WDR75: variants seen among roughly 807,000 people sequenced by gnomAD.
WDR75 encodes WD repeat-containing protein 75.
A neutral mutation model predicts 106.1 loss-of-function variants in WDR75; 52 were observed. That is an observed-to-expected ratio of 0.49 (90% confidence interval 0.39 to 0.62). The LOEUF (loss-of-function observed/expected upper bound fraction) is 0.62, where lower values mean the gene tolerates loss of function less well. Among genes scored for constraint, WDR75 ranks in the 20% least tolerant of loss-of-function variants. The pLI, the probability that WDR75 is intolerant of heterozygous loss-of-function variation, is 0.00. For synonymous variants in WDR75, 333 were observed against 335.5 expected, an observed-to-expected ratio of 0.99 and a Z score of 0.08; for missense variants, 905 against 970.3, an observed-to-expected ratio of 0.93 and a Z score of 0.89.
In WDR75 at chr2:189,463,775, T is replaced by C. The variant is rs200551917; in HGVS notation, c.997+22T>C. 5.6e-6 allele frequency: 9 copies of C among 1,613,746 alleles called. 1 individual carries two copies. Among genetic ancestry groups the C allele is most frequent in the Admixed American group, 1.7e-5 (1 of 60,006 alleles). On this transcript the variant is annotated intron_variant, in intron 10 of 20. Coordinates refer to ENST00000314761, the MANE Select transcript of WDR75 (RefSeq NM_032168.3). Reference sequence around the variant, plus strand: ...AAAGGTATTGCAGAACTCAGTGGATTTGGAATCATGAACATTTTAAAGAGT... The same window carrying C: ...AAAGGTATTGCAGAACTCAGTGGATCTGGAATCATGAACATTTTAAAGAGT...
intron 3 of WDR75, 68 bp from the exon 4 acceptor site, chr2:189,451,737 C>A: frequency 7.1e-7 from 1 of 1,403,572 alleles, no homozygotes; most frequent in Non-Finnish European, 1.0e-6. Flanking sequence ...AAAACCCCTG[C>A]CTTGATGGAT....
intron 18 of WDR75, among the ~76,000 whole-genome samples, chr2:189,472,946 C>T (rs1250063389): frequency 3.9e-5 from 6 of 152,034 alleles, no homozygotes; most frequent in Non-Finnish European, 5.9e-5. Flanking sequence ...AGGCCGGGCA[C>T]GGTGGTTCTT....
rs1347227439 is a variant in WDR75 at position 189,472,643 on chromosome 2, G to C, written c.2050-1543G>C. Among the ~76,000 whole-genome samples, 5 of 151,656 alleles carry C rather than the reference G, an allele frequency of 3.3e-5. No individual in the cohort carries two copies. The East Asian group carries it at 9.6e-4, about 29-fold the overall frequency. Reference sequence around the variant, plus strand: ...TTTTCATCAGAGTCTGATGATTCTTGGCTGTCTTTGGATTTAAAAGTGGGT... The same window carrying C: ...TTTTCATCAGAGTCTGATGATTCTTCGCTGTCTTTGGATTTAAAAGTGGGT... On this transcript the variant is annotated intron_variant, in intron 18 of 20. Coordinates refer to ENST00000314761, the MANE Select transcript of WDR75 (RefSeq NM_032168.3).
At chr2:189,474,829 G>A (rs1489146947) in intron 20 of WDR75, 21 bp downstream of exon 20, 2 of 1,580,520 alleles carry the variant, frequency 1.3e-6, no homozygotes, top group Admixed American at 1.7e-5. Context: ...TCTTAAGACA[G>A]GTTTGGACAC....
Position 189,449,146 on chromosome 2 carries a change from A to G in WDR75, c.216+638A>G, listed in dbSNP as rs1045936979. On this transcript the variant is annotated intron_variant, in intron 2 of 20. Coordinates refer to ENST00000314761, the MANE Select transcript of WDR75 (RefSeq NM_032168.3). ...TTAAGAATAATGAAATGGTCATGTTAATTCTGTTCTTAAGTTTCGGCAAAT... is the reference window on the plus strand; with the variant it reads ...TTAAGAATAATGAAATGGTCATGTTGATTCTGTTCTTAAGTTTCGGCAAAT... The G allele has an allele frequency of 7.6e-6, 6 of 791,736 alleles. No homozygotes were observed. The African/African-American group carries it at 1.1e-4, about 14-fold the overall frequency. 49.0% of individuals were successfully genotyped at this position (791,736 alleles called of 1,614,324 possible).
rs367838883 is a variant in WDR75, at chr2:189,467,662, C to T, written c.1628+14C>T. 74 of 1,583,460 alleles carry T rather than the reference C, an allele frequency of 4.7e-5. No individual in the cohort carries two copies. In the African/African-American group the frequency reaches 7.6e-4, roughly 16 times the overall value. On this transcript the variant is annotated intron_variant, in intron 14 of 20. Transcript: ENST00000314761. ...TGGGAAAATAAGGTAGGTAAATCTT[C>T]GGGAAGTATGTAGTACTATTTTTTA... is the stretch of plus-strand genomic sequence containing the variant.
chr2:189,446,816 A>T (rs1161551945), intron 1 of WDR75, among the ~76,000 whole-genome samples: 2 of 152,232 alleles, frequency 1.3e-5, no homozygotes, highest in Non-Finnish European at 2.9e-5. Flanking sequence ...AACATCAATA[A>T]CTAATAAAAT....
chr2:189,445,278 T>C (rs1432424842), intron 1 of WDR75, among the ~76,000 whole-genome samples: 2 of 152,216 alleles, frequency 1.3e-5, no homozygotes, highest in Admixed American at 1.3e-4. Flanking sequence ...TGTGTTTGAC[T>C]TATTATTGTT....
rs573917585 is a variant in WDR75 at position 189,456,967 on chromosome 2, C to G, written c.499-344C>G. Among the ~76,000 whole-genome samples the G allele has an allele frequency of 3.5e-4, 53 of 152,162 alleles. 2 individuals are homozygous for G. The South Asian group carries it at 0.01, about 29-fold the overall frequency. On this transcript the variant is annotated intron_variant, in intron 5 of 20. Coordinates refer to ENST00000314761, the MANE Select transcript of WDR75 (RefSeq NM_032168.3). ...TCTTTTTAAACAGTGTTGGGCCGGGCGCAGTGGCTCACTCCTGTAATCCCA... is the reference window on the plus strand; with the variant it reads ...TCTTTTTAAACAGTGTTGGGCCGGGGGCAGTGGCTCACTCCTGTAATCCCA...
chr2:189,448,940 T>C (rs548159820), intron 2 of WDR75: 145 of 461,964 alleles, frequency 3.1e-4, no homozygotes, highest in African/African-American at 2.5e-3. Context: ...TTGGTAGATA[T>C]GTTCCTTTAG....
chr2:189,464,337 A>G (rs1686958515), intron 11 of WDR75: 2 of 183,348 alleles, frequency 1.1e-5, no homozygotes, highest in African/African-American at 4.8e-5. Context: ...ATTGAAGATA[A>G]AATTTTCAGT....
At chr2:189,445,078 A>G (rs1030654099) in intron 1 of WDR75, among the ~76,000 whole-genome samples, 2 of 152,136 alleles carry the variant, frequency 1.3e-5, no homozygotes, top group East Asian at 1.9e-4. Flanking sequence ...TATTATCCCT[A>G]TTGAGTGAGT....
At chr2:189,451,078 C>A in intron 3 of WDR75, 110 bp downstream of exon 3, 2 of 1,306,918 alleles carry the variant, frequency 1.5e-6, no homozygotes, top group Non-Finnish European at 2.0e-6. Context: ...ACTTCCTAAA[C>A]AAGTTACAAA....
At chr2:189,471,017 G>C in intron 18 of WDR75, 139 bp downstream of exon 18, 1 of 437,326 alleles carries the variant, frequency 2.3e-6, no homozygotes, top group East Asian at 3.8e-5. Flanking sequence ...ACTGATATGT[G>C]TCTCTTGAAA....
chr2:189,448,882 T>C (rs369396361), intron 2 of WDR75: 2 of 472,582 alleles, frequency 4.2e-6, no homozygotes. Context: ...TGTGAACCAT[T>C]TGGTGTCTGG....
chr2:189,459,549 G>A (rs77151836), intron 8 of WDR75, 125 bp downstream of exon 8: 37,676 of 886,164 alleles, frequency 0.043, 1,142 homozygotes, highest in African/African-American at 0.14. Context: ...ACACTTGTGT[G>A]TTACCCCTGT....
chr2:189,470,231 C>G lies in WDR75; in HGVS notation c.1975C>G (p.Leu659Val). 6.2e-7 allele frequency: 1 copy of G among 1,610,006 alleles called. No homozygotes were observed. Among genetic ancestry groups the G allele is most frequent in the Non-Finnish European group, 8.5e-7 (1 of 1,178,234 alleles). Residue 659 changes from leucine (L) to valine (V), a missense_variant, in exon 17 of 21, where the codon CTA becomes GTA. Coordinates refer to ENST00000314761, the MANE Select transcript of WDR75 (RefSeq NM_032168.3). ...QWLNRSQFYF[L>V]TKSQSLLTFS... ...GCTAAATAGATCCCAGTTTTACTTC[C>G]TAACAAAATCACAGGTAACTGCCTC...
intron 18 of WDR75, 146 bp from the exon 19 acceptor site, chr2:189,474,040 G>A: frequency 1.2e-6 from 1 of 812,526 alleles, no homozygotes; most frequent in South Asian, 2.4e-5. Context: ...TGCTTTCTCT[G>A]TGAAATGAGA....
intron 2 of WDR75, chr2:189,450,443 A>G (rs1197491109): frequency 1.1e-6 from 1 of 882,486 alleles, no homozygotes; most frequent in Non-Finnish European, 1.4e-6. Flanking sequence ...GCTCACTGCA[A>G]CCTCAGCCTC....
Sources: gnomAD v4.1 joint callset for allele counts (sites outside exome capture counted in the v4.1 genomes callset) on GRCh38, gnomAD v4.1.1 for gene constraint, MANE v1.5 for transcripts, NCBI Gene and HGNC (gene_info 2026-07-23, HGNC 2026-07-21) for gene names.